SLC35D1: variants seen among roughly 807,000 people sequenced by gnomAD.
SLC35D1 encodes solute carrier family 35 member D1.
Under a neutral mutation model 46.7 loss-of-function variants are expected in SLC35D1, and 31 were observed. The ratio of observed to expected loss-of-function variants is 0.66; its 90% confidence interval spans 0.50 to 0.90. The LOEUF is 0.90. SLC35D1 is among the 40% of genes least tolerant of loss of function. The pLI is 0.00. For synonymous variants in SLC35D1, 195 were observed against 164.6 expected (o/e 1.18, Z -1.41); for missense variants, 397 against 426.2 (o/e 0.93, Z 0.60).
chr1:66,979,925 C>T, the SLC35D1 span, among the ~76,000 whole-genome samples: 51 of 152,166 alleles, frequency 3.4e-4, no homozygotes, highest in Admixed American at 2.4e-3. Context: ...CCACCACACC[C>T]GGCTAATTTT....
chr1:66,978,517 T>C, the SLC35D1 span, among the ~76,000 whole-genome samples: 1 of 152,114 alleles, frequency 6.6e-6, no homozygotes. Flanking sequence ...TTATAGTTAA[T>C]TTTTTTTCCA....
chr1:66,991,458 T>G, the SLC35D1 span, among the ~76,000 whole-genome samples: 1 of 152,206 alleles, frequency 6.6e-6, no homozygotes, highest in South Asian at 2.1e-4. Flanking sequence ...CAGAGCCCTT[T>G]ATTTCCATCC....
At chr1:67,053,415 C>T (rs2102381717) in intron 1 of SLC35D1, among the ~76,000 whole-genome samples, 1 of 152,324 alleles carries the variant, frequency 6.6e-6, no homozygotes, top group East Asian at 1.9e-4. Context: ...ACACTGAAGC[C>T]CCGGCCCCCT....
At chr1:67,041,971 T>C (rs1460926070) in intron 8 of SLC35D1, among the ~76,000 whole-genome samples, 1 of 152,228 alleles carries the variant, frequency 6.6e-6, no homozygotes, top group Non-Finnish European at 1.5e-5. Context: ...CCTTCCTCTA[T>C]CCTTCTGGCA....
rs148212660 is a variant in SLC35D1, at chr1:67,038,509, C to G, written c.729+3727G>C. On this transcript the variant is annotated intron_variant, in intron 8 of 11. Coordinates refer to ENST00000235345, the MANE Select transcript of SLC35D1 (RefSeq NM_015139.3). ...CTAGCAGGGTGTGCTGCCAGAAAGC[C>G]AAGCTCCAACTCCTGTGACTGAATC... Among the ~76,000 whole-genome samples, 262 of 151,634 alleles carry G rather than the reference C, an allele frequency of 1.7e-3. 1 individual carries two copies. Among genetic ancestry groups the G allele is most frequent in the African/African-American group, 6.2e-3 (255 of 41,276 alleles).
chr1:67,023,087 T>G (rs1667845309), intron 8 of SLC35D1, among the ~76,000 whole-genome samples: 2 of 152,236 alleles, frequency 1.3e-5, no homozygotes, highest in Admixed American at 1.3e-4. Flanking sequence ...ACCAGGTAAT[T>G]GACACTTATT....
At chr1:67,012,082 G>A (rs1001937143) in intron 10 of SLC35D1, among the ~76,000 whole-genome samples, 5 of 152,124 alleles carry the variant, frequency 3.3e-5, no homozygotes, top group African/African-American at 1.2e-4. Context: ...ACGTCAGGTG[G>A]CCAGTCTAAA....
Position 67,000,348 on chromosome 1 carries a change from T to C in SLC35D1, c.*3992A>G, listed in dbSNP as rs1432144185. On this transcript the variant is annotated 3_prime_UTR_variant, in exon 12 of 12. Transcript: ENST00000235345. ...TAGGGGGAAGAAAATAATTTTCCTT[T>C]ATTAAAATGTACTGTCACAATATAA... 1.3e-5 allele frequency: 2 copies of C among 151,784 alleles called. No individual in the cohort carries two copies. Among genetic ancestry groups the C allele is most frequent in the East Asian group, 1.9e-4 (1 of 5,194 alleles). The allele number at this position is 151,784 out of a possible 1,614,324, so 9.4% of individuals were successfully genotyped here. A position where few individuals can be genotyped will look rare whatever the true frequency, so the allele number is the denominator to read the frequency against.
rs933505173 is a variant in SLC35D1, at chr1:67,054,089, C to G, written c.-76G>C. On this transcript the variant is annotated 5_prime_UTR_variant, in exon 1 of 12. Coordinates refer to ENST00000235345, the MANE Select transcript of SLC35D1 (RefSeq NM_015139.3). ...CTGCAGCGGCAGCTCCCAGGGGACT[C>G]CAGGAGTTGGGGACCGCAGACTAGG... 9 of 1,490,096 alleles carry G rather than the reference C, an allele frequency of 6.0e-6. No individual in the cohort carries two copies. In the African/African-American group the frequency reaches 1.1e-4, roughly 19 times the overall value. 92.3% of individuals were successfully genotyped at this position (1,490,096 alleles called of 1,614,324 possible).
the SLC35D1 span, among the ~76,000 whole-genome samples, chr1:66,975,525 C>CA: frequency 2.3e-3 from 315 of 134,900 alleles, 1 homozygote; most frequent in Middle Eastern, 0.011. Context: ...GACACTATCT[C>CA]AAAAAAAAAA....
chr1:67,052,370 A>G, intron 3 of SLC35D1, among the ~76,000 whole-genome samples: 1 of 152,212 alleles, frequency 6.6e-6, no homozygotes, highest in Non-Finnish European at 1.5e-5. Context: ...ATAATGTATT[A>G]GAGCCCATGG....
At chr1:67,026,227 G>A (rs1226510306) in intron 8 of SLC35D1, among the ~76,000 whole-genome samples, 1 of 151,954 alleles carries the variant, frequency 6.6e-6, no homozygotes. Flanking sequence ...CTCATGAGTG[G>A]GTGTCACCTT....
the SLC35D1 span, chr1:66,987,130 A>G: frequency 6.5e-6 from 1 of 152,766 alleles, no homozygotes; most frequent in Non-Finnish European, 1.5e-5. Context: ...ACCTAATGAA[A>G]GACATTCCAC....
the SLC35D1 span, among the ~76,000 whole-genome samples, chr1:66,983,070 T>C: frequency 6.6e-6 from 1 of 152,234 alleles, no homozygotes; most frequent in Non-Finnish European, 1.5e-5. Context: ...AACATGCTGT[T>C]AGGCTAGGAA....
intron 7 of SLC35D1, among the ~76,000 whole-genome samples, chr1:67,046,587 A>G (rs1333534820): frequency 6.6e-6 from 1 of 152,224 alleles, no homozygotes; most frequent in African/African-American, 2.4e-5. Context: ...CAATTCCTTC[A>G]ATTAGCCACC....
At chr1:67,051,656 T>C (rs1223488082) in intron 4 of SLC35D1, among the ~76,000 whole-genome samples, 1 of 152,230 alleles carries the variant, frequency 6.6e-6, no homozygotes, top group East Asian at 1.9e-4. Context: ...AAAATATTTA[T>C]GAACTATACT....
chr1:66,995,329 C>T (rs953583201), downstream of SLC35D1, among the ~76,000 whole-genome samples: 1 of 151,446 alleles, frequency 6.6e-6, no homozygotes, highest in Admixed American at 6.6e-5. Flanking sequence ...CCCTGTGAGA[C>T]ATCTGAATTT....
chr1:67,034,217 C>T (rs1027549868), intron 8 of SLC35D1, among the ~76,000 whole-genome samples: 5 of 152,094 alleles, frequency 3.3e-5, no homozygotes, highest in Admixed American at 6.6e-5. Flanking sequence ...TTTTTTTCTA[C>T]TTCTGTGAAG....
the SLC35D1 span, chr1:66,986,070 G>A: frequency 1.9e-6 from 2 of 1,028,736 alleles, no homozygotes; most frequent in Non-Finnish European, 1.2e-6. Context: ...GGGGTCAAGT[G>A]ATACTTAGAT....
Sources: allele counts gnomAD v4.1 joint callset (sites outside exome capture counted in the v4.1 genomes callset), GRCh38; gene constraint gnomAD v4.1.1; transcripts MANE v1.5; gene names NCBI Gene and HGNC (gene_info 2026-07-23, HGNC 2026-07-21).